IMPG1: variants seen among roughly 807,000 people sequenced by gnomAD.
IMPG1 encodes interphotoreceptor matrix proteoglycan 1, also known as interphotoreceptor matrix proteoglycan of 150 kDa.
A neutral mutation model predicts 92.0 loss-of-function variants in IMPG1; 85 were observed. The observed-to-expected ratio is 0.92, with a 90% CI of 0.78 to 1.11. The LOEUF is 1.11. IMPG1 is among the 50% of genes least tolerant of loss of function. The pLI is 0.00. For missense variants in IMPG1, 1,022 were observed against 956.0 expected (o/e 1.07, Z -0.91); for synonymous variants, 367 against 334.1 (o/e 1.10, Z -1.08).
intron 12 of IMPG1, among the ~76,000 whole-genome samples, chr6:75,985,436 C>G (rs1782700010): frequency 6.6e-6 from 1 of 151,988 alleles, no homozygotes; most frequent in Admixed American, 6.6e-5. Flanking sequence ...CCAGGTGGGA[C>G]CAGATCAGAG....
rs113619424 is a variant in IMPG1 at position 76,018,757 on chromosome 6, G to A, written c.768C>T (p.Ser256=). ...TTCCTGCTAGCTCCTGGTAATATGG[G>A]GACTGGGAGTCAGCGAGCTCTGCCT... ...KFKAELADSQ[S]PYYQELAGKS... Residue 256 remains serine, a synonymous_variant, in exon 7 of 17, where the codon TCC becomes TCT. Transcript: ENST00000369950. 1 of 1,613,374 alleles carries A rather than the reference G, an allele frequency of 6.2e-7. No individual in the cohort carries two copies.
At chr6:75,933,405 T>C (rs1333951681) in intron 14 of IMPG1, among the ~76,000 whole-genome samples, 2 of 152,216 alleles carry the variant, frequency 1.3e-5, no homozygotes, top group South Asian at 2.1e-4. Context: ...CTGTACCACA[T>C]TTAATAAATA....
chr6:76,064,999 GA>G (rs1562390067), intron 1 of IMPG1, among the ~76,000 whole-genome samples: 1 of 151,908 alleles, frequency 6.6e-6, no homozygotes. Context: ...AAAGCACCCA[GA>G]ACCAAAGCCA....
chr6:76,065,805 A>C (rs1364408394), intron 1 of IMPG1, among the ~76,000 whole-genome samples: 2 of 152,148 alleles, frequency 1.3e-5, no homozygotes, highest in Non-Finnish European at 2.9e-5. Flanking sequence ...GTGTGAAGAA[A>C]AAAATCCTAA....
rs182187528 is a variant in IMPG1 at position 75,963,946 on chromosome 6, A to C, written c.1292-12852T>G. ...GAAAGTTTGTCAAAAACACCCAGGC[A>C]AATGCACTAATTGCTACTGTGTGAG... On this transcript the variant is annotated intron_variant, in intron 12 of 16. Coordinates refer to ENST00000369950, the MANE Select transcript of IMPG1 (RefSeq NM_001563.4). 4.1e-3 allele frequency among the ~76,000 whole-genome samples: 619 copies of C among 152,328 alleles called. 6 individuals carry two copies. Among genetic ancestry groups the C allele is most frequent in the African/African-American group, 0.014 (592 of 41,566 alleles).
At chr6:75,933,732 G>T (rs1490159150) in intron 14 of IMPG1, among the ~76,000 whole-genome samples, 1 of 152,132 alleles carries the variant, frequency 6.6e-6, no homozygotes, top group Non-Finnish European at 1.5e-5. Context: ...GTGACCCTGG[G>T]GATCATGACC....
rs80311562 is a variant in IMPG1 at position 75,961,693 on chromosome 6, G to A, written c.1292-10599C>T. On this transcript the variant is annotated intron_variant, in intron 12 of 16. Transcript: ENST00000369950. ...ATAATATTTGAGAATAGACCTGAAG[G>A]AGATGAGTTAGCCATGCAGCAAATG... 4.2e-3 allele frequency among the ~76,000 whole-genome samples: 641 copies of A among 152,290 alleles called. 14 individuals carry two copies. In the East Asian group the frequency reaches 0.054, roughly 13 times the overall value.
intron 1 of IMPG1, 109 bp downstream of exon 1, chr6:76,072,313 A>G: frequency 1.6e-6 from 1 of 606,134 alleles, no homozygotes; most frequent in Non-Finnish European, 2.9e-6. Context: ...AAGGCCTACT[A>G]TATACTAGCC....
chr6:75,954,519 T>G (rs1210523220), intron 12 of IMPG1, among the ~76,000 whole-genome samples: 2 of 152,198 alleles, frequency 1.3e-5, no homozygotes, highest in South Asian at 4.1e-4. Context: ...ATTAGTCCTT[T>G]GTTAGATGGA....
chr6:75,971,474 T>TA (rs199803529), intron 12 of IMPG1, among the ~76,000 whole-genome samples: 26 of 151,614 alleles, frequency 1.7e-4, no homozygotes, highest in African/African-American at 5.1e-4. Flanking sequence ...ATAATAATAA[T>TA]AAAAAAAAAT....
chr6:75,938,611 G>A (rs1476485411), intron 14 of IMPG1, among the ~76,000 whole-genome samples: 2 of 152,074 alleles, frequency 1.3e-5, no homozygotes, highest in African/African-American at 4.8e-5. Flanking sequence ...CCATGAGTTT[G>A]AGACCAGCCT....
intron 1 of IMPG1, among the ~76,000 whole-genome samples, chr6:76,047,677 T>G (rs1163873721): frequency 6.6e-6 from 1 of 150,484 alleles, no homozygotes; most frequent in Non-Finnish European, 1.5e-5. Flanking sequence ...CAATACATAT[T>G]AATTAAGTGA....
In IMPG1 at chr6:76,016,948, G is replaced by A. The variant is rs543430048; in HGVS notation, c.807+1770C>T. ...GATAGCAAAGGCCATAGACACATAA[G>A]CAAGCAGTCTCAAGAAAGGGTGTTG... On this transcript the variant is annotated intron_variant, in intron 7 of 16. Transcript: ENST00000369950. Among the ~76,000 whole-genome samples the A allele has an allele frequency of 2.6e-5, 4 of 152,254 alleles. No homozygotes were observed. The South Asian group carries it at 8.3e-4, about 32-fold the overall frequency.
intron 14 of IMPG1, among the ~76,000 whole-genome samples, chr6:75,939,871 C>A (rs923895687): frequency 6.6e-6 from 1 of 152,158 alleles, no homozygotes; most frequent in Admixed American, 6.5e-5. Context: ...AGGTAGACAG[C>A]CTGTGCTGAC....
chr6:76,018,041 C>T (rs1783323994), intron 7 of IMPG1, among the ~76,000 whole-genome samples: 1 of 152,196 alleles, frequency 6.6e-6, no homozygotes, highest in Non-Finnish European at 1.5e-5. Flanking sequence ...CCGCGGTTGG[C>T]AAAACCTACT....
intron 7 of IMPG1, among the ~76,000 whole-genome samples, chr6:76,011,953 G>T (rs901485174): frequency 6.6e-6 from 1 of 151,800 alleles, no homozygotes; most frequent in Non-Finnish European, 1.5e-5. Context: ...TACACATAGG[G>T]TAATATTTTC....
intron 12 of IMPG1, among the ~76,000 whole-genome samples, chr6:75,993,519 A>G (rs1417886327): frequency 6.6e-6 from 1 of 151,956 alleles, no homozygotes; most frequent in East Asian, 1.9e-4. Flanking sequence ...AGAAAGAAAG[A>G]GAGAGAGAGA....
intron 5 of IMPG1, among the ~76,000 whole-genome samples, chr6:76,024,079 G>T (rs1185395048): frequency 6.6e-6 from 1 of 152,050 alleles, no homozygotes; most frequent in East Asian, 1.9e-4. Flanking sequence ...TGTTAAAAAT[G>T]CATTTTACTG....
chr6:75,928,029 A>G (rs886378473), intron 15 of IMPG1, among the ~76,000 whole-genome samples: 1 of 152,152 alleles, frequency 6.6e-6, no homozygotes, highest in Non-Finnish European at 1.5e-5. Flanking sequence ...CTAAAGAAAG[A>G]GAAATGTTTA....
Sources: allele counts gnomAD v4.1 joint callset (sites outside exome capture counted in the v4.1 genomes callset), GRCh38; gene constraint gnomAD v4.1.1; transcripts MANE v1.5; gene names NCBI Gene and HGNC (gene_info 2026-07-23, HGNC 2026-07-21).